The following AKAP7 variants were observed in gnomAD, a reference collection of about 807,000 sequenced individuals.
AKAP7 encodes the protein A-kinase anchoring protein 7.
Under a neutral mutation model 39.5 loss-of-function variants are expected in AKAP7, and 39 were observed. The ratio of observed to expected loss-of-function variants is 0.99; its 90% confidence interval spans 0.76 to 1.29. AKAP7 has a LOEUF of 1.29. Among genes scored for constraint, AKAP7 ranks in the 50% most tolerant of loss-of-function variants. The probability of loss-of-function intolerance (pLI) is 0.00; values close to 1 mark genes in which losing one functional copy is unlikely to be tolerated. For missense variants in AKAP7, 414 were observed against 407.7 expected (o/e 1.02, Z -0.13); for synonymous variants, 140 against 139.1 (o/e 1.01, Z -0.05).
At chr6:131,239,345 T>C (rs1440671928) in intron 7 of AKAP7, among the ~76,000 whole-genome samples, 1 of 152,212 alleles carries the variant, frequency 6.6e-6, no homozygotes, top group African/African-American at 2.4e-5. Context: ...TTAACATTTT[T>C]TCCTTCATTT....
chr6:131,133,087 T>C (rs1280645163), upstream of AKAP7, among the ~76,000 whole-genome samples: 1 of 152,204 alleles, frequency 6.6e-6, no homozygotes, highest in Non-Finnish European at 1.5e-5. Flanking sequence ...TCTCCTATAT[T>C]TATTATTGAA....
intron 7 of AKAP7, among the ~76,000 whole-genome samples, chr6:131,233,199 ATTC>A (rs1810772794): frequency 6.6e-6 from 1 of 152,214 alleles, no homozygotes; most frequent in Non-Finnish European, 1.5e-5. Context: ...AACTCACTAA[ATTC>A]TTCTCCACTT....
At chr6:131,217,741 A>G (rs1261337006) in intron 6 of AKAP7, among the ~76,000 whole-genome samples, 2 of 152,178 alleles carry the variant, frequency 1.3e-5, no homozygotes, top group African/African-American at 4.8e-5. Flanking sequence ...CTCATGTTTT[A>G]TTTCTTTAAA....
chr6:131,203,916 T>C (rs1585081944), intron 6 of AKAP7, among the ~76,000 whole-genome samples: 1 of 152,202 alleles, frequency 6.6e-6, no homozygotes, highest in African/African-American at 2.4e-5. Flanking sequence ...AAAGAACCAA[T>C]TCTTTGAAGT....
chr6:131,236,342 G>A (rs1210493432), intron 7 of AKAP7, among the ~76,000 whole-genome samples: 2 of 152,202 alleles, frequency 1.3e-5, no homozygotes, highest in African/African-American at 4.8e-5. Flanking sequence ...GTAGTGTGAT[G>A]CCTCCAGCTT....
At chr6:131,227,533 C>A (rs1224542202) in intron 7 of AKAP7, among the ~76,000 whole-genome samples, 1 of 152,156 alleles carries the variant, frequency 6.6e-6, no homozygotes, top group African/African-American at 2.4e-5. Context: ...TAATACTCAA[C>A]AACACAGGAC....
chr6:131,167,073 C>A (rs373841944), intron 4 of AKAP7, among the ~76,000 whole-genome samples: 46 of 152,120 alleles, frequency 3.0e-4, no homozygotes, highest in Non-Finnish European at 6.5e-4. Flanking sequence ...AAAAGACTTA[C>A]AAATGTCCTG....
In AKAP7 at chr6:131,170,095, A is replaced by C. The variant is rs547132193; in HGVS notation, c.589+822A>C. Reference sequence around the variant, plus strand: ...AACCTGGGAATGGTGGGAATTGAACAATGAGAACACATGGACACAGGAAGG... The same window carrying C: ...AACCTGGGAATGGTGGGAATTGAACCATGAGAACACATGGACACAGGAAGG... On this transcript the variant is annotated intron_variant, in intron 5 of 7. Transcript: ENST00000431975. Among the ~76,000 whole-genome samples, 15 of 143,762 alleles carry C rather than the reference A, an allele frequency of 1.0e-4. No individual in the cohort carries two copies. In the East Asian group the frequency reaches 2.7e-3, roughly 26 times the overall value. The allele number at this position is 143,762 out of a possible 152,430, so 94.3% of individuals were successfully genotyped here. A position where few individuals can be genotyped will look rare whatever the true frequency, so the allele number is the denominator to read the frequency against.
chr6:131,249,348 T>G (rs977379513), intron 7 of AKAP7, among the ~76,000 whole-genome samples: 9 of 151,834 alleles, frequency 5.9e-5, no homozygotes, highest in Admixed American at 2.0e-4. Context: ...ATCTTCACTG[T>G]TTTTTTTAAT....
the AKAP7 span, among the ~76,000 whole-genome samples, chr6:131,129,438 C>T: frequency 6.6e-6 from 1 of 151,904 alleles, no homozygotes; most frequent in Admixed American, 6.5e-5. Context: ...ATATATGCTG[C>T]AGGAGTATGT....
chr6:131,238,663 A>G (rs972640423), intron 7 of AKAP7, among the ~76,000 whole-genome samples: 11 of 151,904 alleles, frequency 7.2e-5, no homozygotes, highest in African/African-American at 2.7e-4. Flanking sequence ...TTATGTCATG[A>G]CCTTCTTTGT....
chr6:131,155,848 C>T (rs145992116), intron 2 of AKAP7, among the ~76,000 whole-genome samples: 129 of 152,268 alleles, frequency 8.5e-4, no homozygotes, highest in Non-Finnish European at 1.4e-3. Flanking sequence ...AATGAGAAGA[C>T]ATTTAAATTG....
At chr6:131,253,922 T>C (rs1020110602) in intron 7 of AKAP7, among the ~76,000 whole-genome samples, 1 of 152,188 alleles carries the variant, frequency 6.6e-6, no homozygotes, top group African/African-American at 2.4e-5. Flanking sequence ...TTGTGAATAA[T>C]GCTGCAGTAA....
intron 7 of AKAP7, among the ~76,000 whole-genome samples, chr6:131,279,331 C>T (rs542298761): frequency 2.0e-5 from 3 of 152,270 alleles, no homozygotes; most frequent in East Asian, 1.9e-4. Context: ...TGCAGTTGCA[C>T]GATCTCGGCT....
At chr6:131,172,401 G>C (rs1804159003) in intron 5 of AKAP7, among the ~76,000 whole-genome samples, 1 of 152,030 alleles carries the variant, frequency 6.6e-6, no homozygotes, top group Admixed American at 6.6e-5. Context: ...CCAGGCTGGA[G>C]TGCAGTGGTG....
intron 7 of AKAP7, among the ~76,000 whole-genome samples, chr6:131,239,252 T>TTGTAGAG (rs1221361803): frequency 3.3e-5 from 5 of 152,250 alleles, no homozygotes; most frequent in Admixed American, 6.5e-5. Context: ...CTCTTCTGGC[T>TTGTAGAG]TGTAGAGTGT....
At chr6:131,227,120 G>A (rs1368780609) in intron 7 of AKAP7, among the ~76,000 whole-genome samples, 3 of 152,166 alleles carry the variant, frequency 2.0e-5, no homozygotes, top group Non-Finnish European at 4.4e-5. Flanking sequence ...GGATAGGGGA[G>A]TAAAAGAATT....
intron 7 of AKAP7, among the ~76,000 whole-genome samples, chr6:131,230,115 A>C (rs1252900383): frequency 3.3e-5 from 5 of 152,232 alleles, no homozygotes. Flanking sequence ...TATACCCAGT[A>C]ATGGGATTTC....
intron 5 of AKAP7, among the ~76,000 whole-genome samples, chr6:131,193,678 G>T (rs973613335): frequency 6.6e-6 from 1 of 152,056 alleles, no homozygotes; most frequent in African/African-American, 2.4e-5. Flanking sequence ...AAGACATCAG[G>T]TCCCAAGCTT....
Sources: allele counts gnomAD v4.1 joint callset (sites outside exome capture counted in the v4.1 genomes callset), GRCh38; gene constraint gnomAD v4.1.1; transcripts MANE v1.5; gene names NCBI Gene and HGNC (gene_info 2026-07-23, HGNC 2026-07-21).